Variants in RICTOR observed in about 807,000 individuals in gnomAD.
RICTOR encodes the protein RPTOR independent companion of MTOR complex 2.
A neutral mutation model predicts 214.9 loss-of-function variants in RICTOR; 49 were observed. The ratio of observed to expected loss-of-function variants is 0.23; its 90% CI spans 0.18 to 0.29. The LOEUF is 0.29. Among genes scored for constraint, RICTOR ranks in the 10% least tolerant of loss-of-function variants. The pLI is 1.00. For synonymous variants in RICTOR, 717 were observed against 711.3 expected (o/e 1.01, Z -0.13); for missense variants, 1,625 against 2,047.0 (o/e 0.79, Z 3.98).
chr5:39,014,820 G>C (rs985197011), intron 3 of RICTOR, among the ~76,000 whole-genome samples: 4 of 152,094 alleles, frequency 2.6e-5, no homozygotes, highest in Admixed American at 6.5e-5. Flanking sequence ...ACCTTAAAAG[G>C]AAGTTTAGTT....
Position 38,990,623 on chromosome 5 carries a change from T to TATCA in RICTOR, c.583+325_583+326insTGAT, listed in dbSNP as rs60836575. 3.9e-4 allele frequency among the ~76,000 whole-genome samples: 42 copies of TATCA among 107,330 alleles called. 2 individuals carry two copies. The highest frequency in any genetic ancestry group is 1.4e-3 in the African/African-American group (39 of 27,674). 70.4% of individuals were successfully genotyped at this position (107,330 alleles called of 152,430 possible). ...ATATATATGATATATATACGATATA[T>TATCA]GATATATATATCTGACATATATCAG... is the stretch of plus-strand genomic sequence containing the variant. On this transcript the variant is annotated intron_variant, in intron 7 of 37. Coordinates refer to ENST00000357387, the MANE Select transcript of RICTOR (RefSeq NM_152756.5).
intron 19 of RICTOR, among the ~76,000 whole-genome samples, chr5:38,961,489 C>A (rs1749793524): frequency 6.6e-6 from 1 of 152,052 alleles, no homozygotes; most frequent in South Asian, 2.1e-4. Flanking sequence ...TTATATCTTT[C>A]AACATTATGT....
intron 2 of RICTOR, among the ~76,000 whole-genome samples, chr5:39,034,056 T>C (rs1756471473): frequency 6.6e-6 from 1 of 152,160 alleles, no homozygotes; most frequent in Admixed American, 6.5e-5. Flanking sequence ...AAGGTTATAA[T>C]TAACGGAAGA....
rs183153063 is a variant in RICTOR, at chr5:39,049,926, A to T, written c.97+24185T>A. ...GAAACTCTAACATACATGAGAGTTC[A>T]TAAAGGAGGTAACAAGACAAAATGG... On this transcript the variant is annotated intron_variant, in intron 2 of 37. Coordinates refer to ENST00000357387, the MANE Select transcript of RICTOR (RefSeq NM_152756.5). Among the ~76,000 whole-genome samples the T allele has an allele frequency of 3.3e-3, 508 of 152,298 alleles. 6 individuals are homozygous for T. Among genetic ancestry groups the T allele is most frequent in the African/African-American group, 0.011 (457 of 41,580 alleles).
Position 39,074,331 on chromosome 5 carries a change from C to A in RICTOR, c.47G>T (p.Arg16Leu). 2 of 1,543,240 alleles carry A rather than the reference C, an allele frequency of 1.3e-6. No homozygotes were observed. Among genetic ancestry groups the A allele is most frequent in the African/African-American group, 1.4e-5 (1 of 72,146 alleles). ...RGRSLKNLRV[R>L]GRNDSGEENV... ...AGTGAGGGTTGCAGCGGGCTTACCT[C>A]GTACTCGGAGGTTCTTCAGAGAGCG... Residue 16 changes from arginine (R) to leucine (L), a missense_variant and splice_region_variant, in exon 1 of 38, where the codon CGA becomes CTA. Around this residue, in one of 5 missense-constraint regions of RICTOR, gnomAD observed 71 missense variants for 57.9 expected, o/e 1.23. Transcript: ENST00000357387.
At position 38,953,003 on chromosome 5, in the gene RICTOR, T is replaced by C; in HGVS notation, c.2879A>G (p.Glu960Gly). ...PDILKLAKQC[E>G]VLSIRGTCVY... is the part of the protein sequence containing the mutation. ...GACCTACCCTCTGATGGAAAGAACT[T>C]CACACTGTTTTGCAAGTTTTAGTAT... Residue 960 changes from glutamate to glycine, a missense_variant, in exon 29 of 38, where the codon GAA (glutamate) becomes GGA (glycine). By Grantham distance (98) the Glu-to-Gly change is moderately conservative. Transcript: ENST00000357387. The C allele has an allele frequency of 6.2e-7, 1 of 1,606,284 alleles. No homozygotes were observed. Among genetic ancestry groups the C allele is most frequent in the Non-Finnish European group, 8.5e-7 (1 of 1,173,986 alleles).
chr5:39,051,044 CACACACACACACACACACACGCACCT>C (rs1561064671), intron 2 of RICTOR, among the ~76,000 whole-genome samples: 4 of 112,654 alleles, frequency 3.6e-5, no homozygotes, highest in African/African-American at 9.8e-5. Flanking sequence ...CATATATATA[CACACACACACACACACACACGCACCT>C]ACACACACAC....
rs1223962151 is a variant in RICTOR, at chr5:39,074,365, C to T, written c.13G>A (p.Gly5Ser). 5 of 1,539,036 alleles carry T rather than the reference C, an allele frequency of 3.2e-6. No homozygotes were observed. Among genetic ancestry groups the T allele is most frequent in the African/African-American group, 2.8e-5 (2 of 71,592 alleles). ...AGGTTCTTCAGAGAGCGGCCGCGGC[C>T]GATCGCCGCCATATTGACGGGTTTC... MAAI[G>S]RGRSLKNLRV... The change falls in exon 1 of 38, where the codon GGC becomes AGC. Residue 5 changes from glycine (G) to serine (S), a missense_variant. Coordinates refer to ENST00000357387, the MANE Select transcript of RICTOR (RefSeq NM_152756.5).
Position 38,952,281 on chromosome 5 carries a change from T to G in RICTOR, c.3042A>C (p.Glu1014Asp). The part of the protein sequence containing the change: ...VPDDVEQLCN[E>D]LSSIPSTLSL... The stretch of plus-strand genomic sequence containing the variant: ...TTAGAGTGCTTGGGATAGATGAAAG[T>G]TCATTACAGAGTTGTTCCACATCAT... The change falls in exon 30 of 38, where the codon GAA (glutamate) becomes GAC (aspartate). Residue 1014 changes from glutamate (E) to aspartate (D), a missense_variant. Around this residue, in one of 5 missense-constraint regions of RICTOR, gnomAD observed 1,214 missense variants for 1,470.5 expected, o/e 0.83. Transcript: ENST00000357387. 1 of 1,613,024 alleles carries G rather than the reference T, an allele frequency of 6.2e-7. No individual in the cohort carries two copies. Among genetic ancestry groups the G allele is most frequent in the Non-Finnish European group, 8.5e-7 (1 of 1,179,272 alleles).
chr5:39,065,478 T>C (rs1561082857), intron 2 of RICTOR, among the ~76,000 whole-genome samples: 1 of 152,110 alleles, frequency 6.6e-6, no homozygotes, highest in Admixed American at 6.5e-5. Context: ...AAATCTCATG[T>C]CCTTCTCACA....
chr5:39,068,170 TATAG>T (rs1162755006), intron 2 of RICTOR, among the ~76,000 whole-genome samples: 1 of 152,238 alleles, frequency 6.6e-6, no homozygotes, highest in African/African-American at 2.4e-5. Flanking sequence ...TTAGGACTTC[TATAG>T]ATAAACTGTG....
At chr5:38,978,385 A>T (rs1054837479) in intron 9 of RICTOR, among the ~76,000 whole-genome samples, 198 bp downstream of exon 9, 1 of 152,168 alleles carries the variant, frequency 6.6e-6, no homozygotes, top group Admixed American at 6.5e-5. Flanking sequence ...GGAAATAAGA[A>T]ATTAATCTTT....
intron 2 of RICTOR, among the ~76,000 whole-genome samples, chr5:39,039,020 G>A (rs1425672290): frequency 6.6e-6 from 1 of 152,162 alleles, no homozygotes; most frequent in Non-Finnish European, 1.5e-5. Context: ...TCAACCCTAA[G>A]CCAAAAGAAC....
At chr5:38,962,189 C>A in intron 19 of RICTOR, 126 bp downstream of exon 19, 1 of 408,898 alleles carries the variant, frequency 2.4e-6, no homozygotes, top group Non-Finnish European at 4.5e-6. Context: ...ATATGAGTAC[C>A]TATTGAAGAG....
At chr5:38,943,634 G>A (rs900252643) in intron 36 of RICTOR, among the ~76,000 whole-genome samples, 12 of 152,238 alleles carry the variant, frequency 7.9e-5, no homozygotes, top group Non-Finnish European at 8.8e-5. Flanking sequence ...CTAACCTGGC[G>A]AAACTCTGTT....
At chr5:39,066,883 C>T (rs1055787929) in intron 2 of RICTOR, among the ~76,000 whole-genome samples, 3 of 152,234 alleles carry the variant, frequency 2.0e-5, no homozygotes, top group Admixed American at 1.3e-4. Flanking sequence ...ACCTCATCAT[C>T]ATGGACTTCA....
intron 2 of RICTOR, among the ~76,000 whole-genome samples, chr5:39,063,994 A>G (rs1292654878): frequency 6.6e-6 from 1 of 152,200 alleles, no homozygotes; most frequent in Non-Finnish European, 1.5e-5. Context: ...AAATGTCATC[A>G]TTCCAGGTAC....
At chr5:38,982,611 T>C (rs1239267) in intron 7 of RICTOR, among the ~76,000 whole-genome samples, 146,207 of 152,140 alleles carry the variant, frequency 0.96, 70,345 homozygotes, top group East Asian at 0.99. Context: ...TTTTCCCCCT[T>C]CCAAATGTTG....
intron 19 of RICTOR, 145 bp from the exon 20 acceptor site, chr5:38,960,678 T>C: frequency 1.2e-6 from 1 of 805,868 alleles, no homozygotes; most frequent in Non-Finnish European, 1.9e-6. Flanking sequence ...GTATTAAAAG[T>C]GTTTGGTACA....
Sources: gnomAD v4.1 joint callset for allele counts (sites outside exome capture counted in the v4.1 genomes callset) on GRCh38, gnomAD v4.1.1 for gene constraint, gnomAD v4.1.1 regional missense constraint, MANE v1.5 for transcripts, NCBI Gene and HGNC (gene_info 2026-07-23, HGNC 2026-07-21) for gene names.